MED27: variants seen among roughly 807,000 people sequenced by gnomAD.
The protein encoded by MED27 is mediator complex subunit 27.
A neutral mutation model predicts 38.2 loss-of-function variants in MED27; 30 were observed. The observed-to-expected ratio is 0.79, with a 90% CI of 0.59 to 1.07. The LOEUF (loss-of-function observed/expected upper bound fraction) is 1.07. MED27 is among the 50% of genes least tolerant of loss of function. The probability of loss-of-function intolerance (pLI) is 0.00; values close to 1 mark genes in which losing one functional copy is unlikely to be tolerated. For missense variants in MED27, 289 were observed against 397.5 expected (o/e 0.73, Z 2.32); for synonymous variants, 122 against 153.5 (o/e 0.79, Z 1.52).
intron 4 of MED27, among the ~76,000 whole-genome samples, chr9:131,934,574 G>C (rs555508227): frequency 6.6e-6 from 1 of 152,194 alleles, no homozygotes; most frequent in Non-Finnish European, 1.5e-5. Flanking sequence ...TGCTGGTGAG[G>C]AGGTGGAGAA....
intron 2 of MED27, among the ~76,000 whole-genome samples, chr9:132,034,834 TCAAATTGTTA>T (rs1366531195): frequency 6.6e-6 from 1 of 152,174 alleles, no homozygotes; most frequent in Non-Finnish European, 1.5e-5. Flanking sequence ...TTATAAAACA[TCAAATTGTTA>T]CGTGTAAAAA....
At chr9:132,072,815 T>G (rs1206943318) in intron 2 of MED27, among the ~76,000 whole-genome samples, 3 of 152,050 alleles carry the variant, frequency 2.0e-5, no homozygotes, top group Non-Finnish European at 4.4e-5. Context: ...GAATCTGTAT[T>G]CCCTGAACAT....
chr9:131,998,512 C>A (rs978770348), intron 3 of MED27, among the ~76,000 whole-genome samples: 1 of 152,086 alleles, frequency 6.6e-6, no homozygotes, highest in Non-Finnish European at 1.5e-5. Context: ...CTGGCTCTTC[C>A]AGGTCTGGGT....
intron 2 of MED27, among the ~76,000 whole-genome samples, chr9:132,026,972 G>C (rs1199914613): frequency 6.6e-6 from 1 of 152,200 alleles, no homozygotes; most frequent in Non-Finnish European, 1.5e-5. Flanking sequence ...GGGGAGCCTG[G>C]CTCTGGGGCC....
At chr9:132,038,754 A>C (rs2131115617) in intron 2 of MED27, among the ~76,000 whole-genome samples, 1 of 152,302 alleles carries the variant, frequency 6.6e-6, no homozygotes, top group East Asian at 1.9e-4. Flanking sequence ...AGAAGCTCTA[A>C]GGTGGAGATG....
intron 6 of MED27, among the ~76,000 whole-genome samples, chr9:131,863,421 G>C (rs1158652217): frequency 1.3e-5 from 2 of 152,238 alleles, no homozygotes; most frequent in Non-Finnish European, 2.9e-5. Flanking sequence ...CACTGGCAGA[G>C]GGAGCGGCCA....
chr9:131,948,543 CCAAA>C (rs1355234210), intron 3 of MED27, among the ~76,000 whole-genome samples: 3 of 151,388 alleles, frequency 2.0e-5, no homozygotes, highest in African/African-American at 4.8e-5. Flanking sequence ...CACCAACCAA[CCAAA>C]CAAAAAACAA....
intron 2 of MED27, among the ~76,000 whole-genome samples, chr9:132,032,980 C>T (rs981809002): frequency 6.6e-6 from 1 of 152,210 alleles, no homozygotes; most frequent in African/African-American, 2.4e-5. Context: ...AACAGCCTGA[C>T]AGGTAGCAAC....
chr9:132,077,248 C>T (rs764263042), intron 2 of MED27, among the ~76,000 whole-genome samples, 194 bp downstream of exon 2: 1 of 152,214 alleles, frequency 6.6e-6, no homozygotes, highest in Non-Finnish European at 1.5e-5. Flanking sequence ...ATCACCTGAA[C>T]ATCATGAATC....
At chr9:132,038,919 A>G (rs1333973226) in intron 2 of MED27, among the ~76,000 whole-genome samples, 1 of 152,156 alleles carries the variant, frequency 6.6e-6, no homozygotes, top group East Asian at 1.9e-4. Flanking sequence ...GTCCTTGCTA[A>G]ATGACACTCT....
At chr9:132,009,953 A>T (rs1162290094) in intron 3 of MED27, among the ~76,000 whole-genome samples, 5 of 152,212 alleles carry the variant, frequency 3.3e-5, no homozygotes, top group Admixed American at 2.6e-4. Context: ...TTCTTTGTAG[A>T]TTCTGGATAT....
At position 131,968,471 on chromosome 9, in the gene MED27, C is replaced by CA. The variant is rs10556528; in HGVS notation, c.480-28998dup. 4.6e-3 allele frequency among the ~76,000 whole-genome samples: 454 copies of CA among 98,352 alleles called. 2 individuals are homozygous for CA. The highest frequency in any genetic ancestry group is 7.1e-3 in the Admixed American group (65 of 9,154). The allele number at this position is 98,352 out of a possible 152,430, so 64.5% of individuals were successfully genotyped here. A position where few individuals can be genotyped will look rare whatever the true frequency, so the allele number is the denominator to read the frequency against. Reference sequence around the variant, plus strand: ...CCTAGGCAAGAGAGAGACCCTGTCTCAAAAAAAAAAAAAAAAAAAAAAATC... The same window carrying CA: ...CCTAGGCAAGAGAGAGACCCTGTCTCAAAAAAAAAAAAAAAAAAAAAAAATC... On this transcript the variant is annotated intron_variant, in intron 3 of 7. Coordinates refer to ENST00000292035, the MANE Select transcript of MED27 (RefSeq NM_004269.4).
At chr9:132,005,904 G>A (rs1404693933) in intron 3 of MED27, among the ~76,000 whole-genome samples, 5 of 152,142 alleles carry the variant, frequency 3.3e-5, no homozygotes, top group Admixed American at 6.5e-5. Context: ...TATTAATATG[G>A]TCCCGCAATG....
chr9:131,874,866 T>C (rs1238188858), intron 6 of MED27, among the ~76,000 whole-genome samples: 2 of 152,150 alleles, frequency 1.3e-5, no homozygotes, highest in African/African-American at 4.8e-5. Flanking sequence ...CCACTTGGTG[T>C]GATATTATTT....
At chr9:132,067,434 AAG>A (rs922483068) in intron 2 of MED27, among the ~76,000 whole-genome samples, 5 of 152,218 alleles carry the variant, frequency 3.3e-5, no homozygotes, top group African/African-American at 1.2e-4. Flanking sequence ...CTGAATGACT[AAG>A]AGTTTTCCAC....
chr9:131,901,276 G>GTGTGC (rs1829942801), intron 4 of MED27, among the ~76,000 whole-genome samples: 4 of 152,204 alleles, frequency 2.6e-5, no homozygotes, highest in Non-Finnish European at 5.9e-5. Flanking sequence ...ATGTCTTGTT[G>GTGTGC]AAGAAATGTC....
At chr9:131,974,976 T>C (rs1831572739) in intron 3 of MED27, among the ~76,000 whole-genome samples, 2 of 152,230 alleles carry the variant, frequency 1.3e-5, no homozygotes, top group African/African-American at 2.4e-5. Flanking sequence ...GGGTGTTCGA[T>C]GGAACCTAAG....
chr9:132,044,995 G>A (rs1397861588), intron 2 of MED27, among the ~76,000 whole-genome samples: 1 of 151,992 alleles, frequency 6.6e-6, no homozygotes, highest in Non-Finnish European at 1.5e-5. Context: ...AGATGTGAAC[G>A]TCTCACAACT....
intron 6 of MED27, among the ~76,000 whole-genome samples, chr9:131,875,657 C>T (rs1268293931): frequency 2.0e-5 from 3 of 152,182 alleles, no homozygotes; most frequent in South Asian, 4.1e-4. Flanking sequence ...AACTTCACAC[C>T]AAGTCTGTGG....
Sources: allele counts gnomAD v4.1 joint callset (sites outside exome capture counted in the v4.1 genomes callset), GRCh38; gene constraint gnomAD v4.1.1; transcripts MANE v1.5; gene names NCBI Gene and HGNC (gene_info 2026-07-23, HGNC 2026-07-21).